THEM4: variants seen among roughly 807,000 people sequenced by gnomAD.
The protein encoded by THEM4 is thioesterase superfamily member 4.
Under a neutral mutation model 25.0 loss-of-function variants are expected in THEM4, and 22 were observed. The ratio of observed to expected loss-of-function variants is 0.88; its 90% CI spans 0.63 to 1.26. THEM4 has a LOEUF of 1.26. THEM4 is among the 50% of genes most tolerant of loss of function. The pLI is 0.00. For synonymous variants in THEM4, 113 were observed against 105.6 expected (o/e 1.07, Z -0.43); for missense variants, 286 against 300.3 (o/e 0.95, Z 0.35).
chr1:151,893,565 G>A (rs1654143538), intron 2 of THEM4, among the ~76,000 whole-genome samples: 2 of 152,052 alleles, frequency 1.3e-5, no homozygotes, highest in Admixed American at 6.6e-5. Flanking sequence ...GGAAGGCTTG[G>A]TCTCCCTAAG....
chr1:151,894,287 A>G (rs1247296090), intron 2 of THEM4, among the ~76,000 whole-genome samples: 1 of 152,240 alleles, frequency 6.6e-6, no homozygotes, highest in Non-Finnish European at 1.5e-5. Context: ...ATAATGATGG[A>G]TATCTGTCAT....
At position 151,870,923 on chromosome 1, in the gene THEM4, G is replaced by C. The variant is rs1039830798; in HGVS notation, c.*3965C>G. Among the ~76,000 whole-genome samples, 2 of 152,164 alleles carry C rather than the reference G, an allele frequency of 1.3e-5. No individual in the cohort carries two copies. Among genetic ancestry groups the C allele is most frequent in the Admixed American group, 6.5e-5 (1 of 15,278 alleles). Reference sequence around the variant, plus strand: ...TAGACATTTAGAAACCTGGGAGTAAGAGCAAAAACTCACGGCCTAATTATG... The same window carrying C: ...TAGACATTTAGAAACCTGGGAGTAACAGCAAAAACTCACGGCCTAATTATG... On this transcript the variant is annotated 3_prime_UTR_variant, in exon 6 of 6. Transcript: ENST00000368814.
intron 3 of THEM4, among the ~76,000 whole-genome samples, 172 bp downstream of exon 3, chr1:151,889,039 TTAA>T (rs546777452): frequency 7.9e-4 from 121 of 152,242 alleles, no homozygotes; most frequent in Middle Eastern, 3.4e-3. Flanking sequence ...TTAATCAATA[TTAA>T]TAATATAGAT....
chr1:151,898,316 T>G (rs1047714627), intron 1 of THEM4, among the ~76,000 whole-genome samples: 1 of 152,096 alleles, frequency 6.6e-6, no homozygotes, highest in Non-Finnish European at 1.5e-5. Context: ...ACTGCCGGCT[T>G]TCCCCAACTT....
At position 151,871,943 on chromosome 1, in the gene THEM4, A is replaced by C. The variant is rs1226096624; in HGVS notation, c.*2945T>G. Among the ~76,000 whole-genome samples, 1 of 152,220 alleles carries C rather than the reference A, an allele frequency of 6.6e-6. No homozygotes were observed. Reference sequence around the variant, plus strand: ...AGCGCTGGCTTATTCCTTCGGAGTCATATTTTTTAACATGTGAAATATAAT... The same window carrying C: ...AGCGCTGGCTTATTCCTTCGGAGTCCTATTTTTTAACATGTGAAATATAAT... On this transcript the variant is annotated 3_prime_UTR_variant, in exon 6 of 6. Coordinates refer to ENST00000368814, the MANE Select transcript of THEM4 (RefSeq NM_053055.5).
At chr1:151,874,966 A>G (rs749131879) in intron 5 of THEM4, 38 bp from the exon 6 acceptor site, 12 of 1,518,046 alleles carry the variant, frequency 7.9e-6, no homozygotes, top group Non-Finnish European at 1.0e-5. Context: ...TTATATGTCA[A>G]CTGACTTCAA....
chr1:151,872,705 G>T lies in THEM4; in HGVS notation c.*2183C>A, dbSNP rs1457353214. Among the ~76,000 whole-genome samples, 1 of 152,184 alleles carries T rather than the reference G, an allele frequency of 6.6e-6. No individual in the cohort carries two copies. Among genetic ancestry groups the T allele is most frequent in the Non-Finnish European group, 1.5e-5 (1 of 68,038 alleles). On this transcript the variant is annotated 3_prime_UTR_variant, in exon 6 of 6. Coordinates refer to ENST00000368814, the MANE Select transcript of THEM4 (RefSeq NM_053055.5). Reference sequence around the variant, plus strand: ...TAAGGGATCTAGGACTGTGCAGGACGTGCCTCATTAACAGTATGTTTACAG... The same window carrying T: ...TAAGGGATCTAGGACTGTGCAGGACTTGCCTCATTAACAGTATGTTTACAG...
Position 151,888,377 on chromosome 1 carries a change from A to C in THEM4, c.453T>G (p.Ile151Met). ...GPYLEGPPGFIHGGAIATMID... is the reference protein window; with the variant it reads ...GPYLEGPPGFMHGGAIATMID... ...TCATGGTTGCAATGGCACCTCCATG[A>C]ATGAATCTAGTTACAACAGGAGTGG... Residue 151 changes from isoleucine to methionine, a missense_variant, in exon 4 of 6, where the codon ATT (isoleucine) becomes ATG (methionine). Coordinates refer to ENST00000368814, the MANE Select transcript of THEM4 (RefSeq NM_053055.5). 4 of 1,612,004 alleles carry C rather than the reference A, an allele frequency of 2.5e-6. No individual in the cohort carries two copies. Among genetic ancestry groups the C allele is most frequent in the Non-Finnish European group, 3.4e-6 (4 of 1,178,588 alleles).
At chr1:151,883,637 G>A (rs970665826) in intron 4 of THEM4, among the ~76,000 whole-genome samples, 4 of 148,900 alleles carry the variant, frequency 2.7e-5, no homozygotes, top group Non-Finnish European at 4.5e-5. Context: ...ATTTAATTGT[G>A]CATTTTTTTT....
intron 4 of THEM4, among the ~76,000 whole-genome samples, chr1:151,884,252 A>AC (rs1417683491): frequency 5.9e-5 from 9 of 152,044 alleles, no homozygotes; most frequent in Admixed American, 5.9e-4. Flanking sequence ...AGCAAACAAA[A>AC]CCCAGAAGCC....
chr1:151,888,531 ACTAT>A, intron 3 of THEM4, 148 bp from the exon 4 acceptor site: 1 of 558,652 alleles, frequency 1.8e-6, no homozygotes, highest in Non-Finnish European at 3.2e-6. Flanking sequence ...AATGCCAAAT[ACTAT>A]CTATGTCCCC....
intron 1 of THEM4, among the ~76,000 whole-genome samples, chr1:151,901,311 C>T (rs906770201): frequency 6.6e-6 from 1 of 152,124 alleles, no homozygotes; most frequent in African/African-American, 2.4e-5. Flanking sequence ...AACAAATAAA[C>T]AATGGATTTA....
rs1268251138 is a variant in THEM4, at chr1:151,871,162, AAAC to A, written c.*3723_*3725del. 6.6e-6 allele frequency among the ~76,000 whole-genome samples: 1 copy of A among 151,948 alleles called. No individual in the cohort carries two copies. Among genetic ancestry groups the A allele is most frequent in the Non-Finnish European group, 1.5e-5 (1 of 67,982 alleles). ...CAACATGGCAAAACCCTGTCTCTACAAACAATACAAAAATTAGCTGGGTTTGGT... is the reference window on the plus strand; with the variant it reads ...CAACATGGCAAAACCCTGTCTCTACAAATACAAAAATTAGCTGGGTTTGGT... On this transcript the variant is annotated 3_prime_UTR_variant, in exon 6 of 6. Transcript: ENST00000368814.
chr1:151,880,547 C>T (rs182856890), intron 4 of THEM4, among the ~76,000 whole-genome samples: 50 of 152,150 alleles, frequency 3.3e-4, no homozygotes, highest in Non-Finnish European at 5.6e-4. Context: ...CAACTTCTCC[C>T]TATGATTATA....
At position 151,895,159 on chromosome 1, in the gene THEM4, G is replaced by A. The variant is rs376171944; in HGVS notation, c.135C>T (p.Asp45=). ...TCCAGCTGGGGTTGGGGACAGAACA[G>A]TCCTTAAGAATGACTTCCTCAGAAG... ...SFSSEEVILK[D]CSVPNPSWNK... is the part of the protein sequence containing the mutation. Residue 45 remains aspartate, a synonymous_variant, in exon 2 of 6, where the codon GAC becomes GAT. Coordinates refer to ENST00000368814, the MANE Select transcript of THEM4 (RefSeq NM_053055.5). 35 of 1,613,042 alleles carry A rather than the reference G, an allele frequency of 2.2e-5. No homozygotes were observed. The highest frequency in any genetic ancestry group is 2.9e-5 in the Non-Finnish European group (34 of 1,179,814).
At chr1:151,887,998 C>T (rs1175665261) in intron 4 of THEM4, among the ~76,000 whole-genome samples, 1 of 152,160 alleles carries the variant, frequency 6.6e-6, no homozygotes, top group East Asian at 1.9e-4. Flanking sequence ...CTCTAGCTCC[C>T]TCATCTGAGA....
At chr1:151,879,956 T>A (rs1388552798) in intron 4 of THEM4, among the ~76,000 whole-genome samples, 1 of 152,044 alleles carries the variant, frequency 6.6e-6, no homozygotes, top group East Asian at 1.9e-4. Context: ...GTGCCTGGCC[T>A]AAATCCTCCA....
At position 151,898,048 on chromosome 1, in the gene THEM4, G is replaced by A. The variant is rs1478320218; in HGVS notation, c.100-2854C>T. Among the ~76,000 whole-genome samples the A allele has an allele frequency of 3.9e-5, 6 of 152,304 alleles. No individual in the cohort carries two copies. In the East Asian group the frequency reaches 7.7e-4, roughly 20 times the overall value. On this transcript the variant is annotated intron_variant, in intron 1 of 5. Transcript: ENST00000368814. ...ATTCCACAGGGAGAAGAAATTCTGC[G>A]GCTGAACTTTGTAACAGTTTGAACT...
At chr1:151,907,440 C>T (rs1654495720) in intron 1 of THEM4, among the ~76,000 whole-genome samples, 1 of 152,226 alleles carries the variant, frequency 6.6e-6, no homozygotes, top group Admixed American at 6.5e-5. Context: ...TGCCTTTGTG[C>T]TGCCTCTGTA....
Sources: gnomAD v4.1 joint callset for allele counts (sites outside exome capture counted in the v4.1 genomes callset) on GRCh38, gnomAD v4.1.1 for gene constraint, MANE v1.5 for transcripts, NCBI Gene and HGNC (gene_info 2026-07-23, HGNC 2026-07-21) for gene names.